The following OSBPL10 variants were observed in gnomAD, a reference collection of about 807,000 sequenced individuals.
OSBPL10 encodes oxysterol-binding protein-related protein 10.
OSBPL10 carries 49 observed loss-of-function variants against 81.7 expected under a neutral mutation model. That is an observed-to-expected ratio of 0.60 (90% CI 0.48 to 0.76). OSBPL10 has a LOEUF of 0.76. Among genes scored for constraint, OSBPL10 ranks in the 30% least tolerant of loss-of-function variants. The pLI is 0.00. For synonymous variants in OSBPL10, 419 were observed against 383.6 expected (o/e 1.09, Z -1.08); for missense variants, 923 against 987.8 (o/e 0.93, Z 0.88).
At chr3:31,832,225 G>A (rs1222597712) in intron 3 of OSBPL10, among the ~76,000 whole-genome samples, 2 of 152,192 alleles carry the variant, frequency 1.3e-5, no homozygotes, top group African/African-American at 2.4e-5. Flanking sequence ...CAAACATACT[G>A]TGGAAGGATA....
At chr3:31,756,650 A>G (rs2125713094) in intron 4 of OSBPL10, among the ~76,000 whole-genome samples, 1 of 152,370 alleles carries the variant, frequency 6.6e-6, no homozygotes, top group Non-Finnish European at 1.5e-5. Context: ...CACTTGGGAC[A>G]TACTTCAAAA....
chr3:31,681,667 C>G (rs1355235331), intron 8 of OSBPL10, among the ~76,000 whole-genome samples: 1 of 152,184 alleles, frequency 6.6e-6, no homozygotes, highest in East Asian at 1.9e-4. Flanking sequence ...CAAGGAGCAC[C>G]TTCTCCCATT....
chr3:31,702,075 A>C (rs911866972), intron 7 of OSBPL10, among the ~76,000 whole-genome samples: 1 of 152,060 alleles, frequency 6.6e-6, no homozygotes, highest in South Asian at 2.1e-4. Context: ...AATTTTCCAT[A>C]CCATCTCATA....
intron 4 of OSBPL10, among the ~76,000 whole-genome samples, chr3:31,786,226 T>C (rs1180468772): frequency 2.0e-5 from 3 of 152,262 alleles, no homozygotes; most frequent in Non-Finnish European, 4.4e-5. Context: ...TGATGAGTTG[T>C]AACTTTGCCC....
intron 2 of OSBPL10, among the ~76,000 whole-genome samples, chr3:32,045,525 C>T (rs1339396221): frequency 2.6e-5 from 4 of 152,108 alleles, no homozygotes; most frequent in Admixed American, 6.5e-5. Context: ...GAGACAGGGT[C>T]GATAATAGAA....
chr3:31,713,010 C>G (rs1696311790), intron 6 of OSBPL10, among the ~76,000 whole-genome samples: 1 of 152,250 alleles, frequency 6.6e-6, no homozygotes, highest in African/African-American at 2.4e-5. Context: ...ACCTCAGCCA[C>G]TCTGGCAAAG....
intron 8 of OSBPL10, among the ~76,000 whole-genome samples, chr3:31,681,269 C>T (rs764680554): frequency 1.3e-4 from 20 of 152,206 alleles, no homozygotes; most frequent in South Asian, 2.1e-4. Context: ...GAAGGCCCAA[C>T]ACGAATGCTG....
intron 3 of OSBPL10, among the ~76,000 whole-genome samples, chr3:31,834,994 T>C (rs1700330876): frequency 6.6e-6 from 1 of 152,186 alleles, no homozygotes; most frequent in Non-Finnish European, 1.5e-5. Context: ...GCATGTGTCA[T>C]AAAGTATGCA....
At chr3:31,707,251 A>G (rs1696099905) in intron 6 of OSBPL10, 1 of 152,226 alleles carries the variant, frequency 6.6e-6, no homozygotes, top group Non-Finnish European at 1.5e-5. Context: ...GGTCTACTCT[A>G]GCACGGATTA....
chr3:31,910,619 G>A (rs1310353538), intron 1 of OSBPL10, among the ~76,000 whole-genome samples: 1 of 151,834 alleles, frequency 6.6e-6, no homozygotes, highest in African/African-American at 2.4e-5. Flanking sequence ...CTGGGGGACA[G>A]AGTGAGACTC....
At chr3:31,779,216 C>A (rs1432730248) in intron 4 of OSBPL10, among the ~76,000 whole-genome samples, 2 of 152,144 alleles carry the variant, frequency 1.3e-5, no homozygotes, top group Non-Finnish European at 2.9e-5. Context: ...TATCTCACAT[C>A]TCAATTCGAA....
chr3:31,977,341 C>CACTCA (rs1698721425), intron 1 of OSBPL10, among the ~76,000 whole-genome samples: 2 of 152,196 alleles, frequency 1.3e-5, no homozygotes, highest in Non-Finnish European at 2.9e-5. Flanking sequence ...TTTCCTGGAC[C>CACTCA]ACTCAGATGG....
intron 1 of OSBPL10, among the ~76,000 whole-genome samples, chr3:31,930,670 T>G (rs1302090223): frequency 6.6e-6 from 1 of 152,154 alleles, no homozygotes; most frequent in Non-Finnish European, 1.5e-5. Context: ...TTCTATGGAA[T>G]GATCTTTAAA....
At chr3:32,041,451 G>C (rs752771555) in intron 2 of OSBPL10, among the ~76,000 whole-genome samples, 3 of 152,022 alleles carry the variant, frequency 2.0e-5, no homozygotes, top group Non-Finnish European at 2.9e-5. Context: ...AGGCCAGCTG[G>C]AAACACCCCG....
chr3:31,782,443 A>C (rs112557701), intron 4 of OSBPL10, among the ~76,000 whole-genome samples: 297 of 152,308 alleles, frequency 1.9e-3, no homozygotes, highest in African/African-American at 7.0e-3. Context: ...AAATAGATGG[A>C]ACCTAATTAA....
intron 3 of OSBPL10, among the ~76,000 whole-genome samples, chr3:31,863,081 A>T (rs1358649795): frequency 3.3e-5 from 5 of 152,262 alleles, no homozygotes; most frequent in African/African-American, 1.2e-4. Flanking sequence ...TATTAGTCAT[A>T]AAAAAGGAAT....
At chr3:31,877,725 T>C (rs1363796571) in intron 2 of OSBPL10, among the ~76,000 whole-genome samples, 1 of 152,192 alleles carries the variant, frequency 6.6e-6, no homozygotes, top group Admixed American at 6.5e-5. Context: ...CTTAGTCCTA[T>C]TTAAGGCATG....
At chr3:31,980,097 G>C (rs570709256) in intron 1 of OSBPL10, among the ~76,000 whole-genome samples, 1 of 151,330 alleles carries the variant, frequency 6.6e-6, no homozygotes. Context: ...CTCTGCCTCC[G>C]GGGTTCAAGC....
At chr3:31,744,605 G>A (rs1339051898) in intron 5 of OSBPL10, among the ~76,000 whole-genome samples, 1 of 151,362 alleles carries the variant, frequency 6.6e-6, no homozygotes, top group African/African-American at 2.4e-5. Flanking sequence ...AAAGGTGGGA[G>A]AGAGAGCACA....
Sources: gnomAD v4.1 joint callset for allele counts (sites outside exome capture counted in the v4.1 genomes callset) on GRCh38, gnomAD v4.1.1 for gene constraint, MANE v1.5 for transcripts, NCBI Gene and HGNC (gene_info 2026-07-23, HGNC 2026-07-21) for gene names.